LPAR6: variants seen among roughly 807,000 people sequenced by gnomAD.
LPAR6 encodes G-protein coupled purinergic receptor P2Y5.
LPAR6 carries 17 observed loss-of-function variants against 22.0 expected under a neutral mutation model. The ratio of observed to expected loss-of-function variants is 0.77; its 90% confidence interval spans 0.53 to 1.16. LPAR6 has a LOEUF of 1.16. Among genes scored for constraint, LPAR6 ranks in the 50% most tolerant of loss-of-function variants. The pLI, the probability that LPAR6 is intolerant of heterozygous loss-of-function variation, is 0.00. For missense variants in LPAR6, 384 were observed against 406.9 expected (o/e 0.94, Z 0.48); for synonymous variants, 136 against 139.8 (o/e 0.97, Z 0.19).
intron 1 of LPAR6, chr13:48,391,535 T>C (rs1313226028): frequency 6.6e-6 from 1 of 152,086 alleles, no homozygotes; most frequent in African/African-American, 2.4e-5. Flanking sequence ...CGGGAGGATC[T>C]CTTGAAGCCA....
chr13:48,396,034 G>A (rs1214599523), intron 1 of LPAR6, among the ~76,000 whole-genome samples: 1 of 152,186 alleles, frequency 6.6e-6, no homozygotes, highest in Non-Finnish European at 1.5e-5. Flanking sequence ...CATGCTCATG[G>A]ATGGGAAAAA....
chr13:48,393,679 T>C (rs1291833635), intron 1 of LPAR6, among the ~76,000 whole-genome samples: 1 of 152,208 alleles, frequency 6.6e-6, no homozygotes, highest in Non-Finnish European at 1.5e-5. Context: ...TTGTGTTAAA[T>C]GCATCAGGTC....
chr13:48,399,191 C>G (rs774864621), intron 1 of LPAR6, among the ~76,000 whole-genome samples: 3 of 151,890 alleles, frequency 2.0e-5, no homozygotes, highest in Non-Finnish European at 4.4e-5. Flanking sequence ...AGATTGTTTT[C>G]GTAGACTGAA....
chr13:48,410,169 TAC>T (rs1948780607), downstream of LPAR6, among the ~76,000 whole-genome samples: 1 of 152,230 alleles, frequency 6.6e-6, no homozygotes, highest in African/African-American at 2.4e-5. Flanking sequence ...AGAAAATATT[TAC>T]AGTCATGCAT....
upstream of LPAR6, among the ~76,000 whole-genome samples, chr13:48,414,411 G>A (rs1161905989): frequency 6.6e-6 from 1 of 151,688 alleles, no homozygotes; most frequent in Non-Finnish European, 1.5e-5. Flanking sequence ...GTGTGTGTAA[G>A]GTGAGGGTAC....
At chr13:48,404,542 T>A (rs968544480) in intron 1 of LPAR6, among the ~76,000 whole-genome samples, 3 of 152,128 alleles carry the variant, frequency 2.0e-5, no homozygotes, top group Non-Finnish European at 1.5e-5. Context: ...TTTTGTTTTT[T>A]TTTAATGACA....
At chr13:48,426,341 G>T (rs1386889418) in intron 1 of LPAR6, among the ~76,000 whole-genome samples, 1 of 152,222 alleles carries the variant, frequency 6.6e-6, no homozygotes, top group Non-Finnish European at 1.5e-5. Flanking sequence ...CAGATAGGAT[G>T]CCTGTGCTCT....
At chr13:48,441,758 A>T (rs1288830007) in intron 1 of LPAR6, among the ~76,000 whole-genome samples, 5 of 149,790 alleles carry the variant, frequency 3.3e-5, no homozygotes, top group African/African-American at 1.3e-4. Flanking sequence ...AATTATATAT[A>T]TGGGTAAAGG....
chr13:48,392,345 A>G (rs1186287093), intron 1 of LPAR6, among the ~76,000 whole-genome samples: 1 of 152,082 alleles, frequency 6.6e-6, no homozygotes, highest in African/African-American at 2.4e-5. Flanking sequence ...TCCTGATCTC[A>G]GGTGACCCAC....
Position 48,411,887 on chromosome 13 carries a change from T to C in LPAR6, c.537A>G (p.Thr179=). ...TGAAAATTACAATCCTTGAGAGATA[T>C]GTTTTCCATGTGGCTTCTGGAAAAT... The part of the protein sequence containing the change: ...FENFPEATWK[T]YLSRIVIFIE... Residue 179 remains threonine, a synonymous_variant, in exon 1 of 1, where the codon ACA becomes ACG. Transcript: ENST00000620633. 1 of 1,613,810 alleles carries C rather than the reference T, an allele frequency of 6.2e-7. No individual in the cohort carries two copies. Among genetic ancestry groups the C allele is most frequent in the Non-Finnish European group, 8.5e-7 (1 of 1,179,862 alleles).
intron 1 of LPAR6, among the ~76,000 whole-genome samples, chr13:48,396,969 G>A (rs1948653692): frequency 6.6e-6 from 1 of 152,192 alleles, no homozygotes; most frequent in South Asian, 2.1e-4. Context: ...CAGTTAGAAT[G>A]GTGATCATTA....
intron 1 of LPAR6, among the ~76,000 whole-genome samples, chr13:48,426,117 C>G (rs1285481837): frequency 2.0e-5 from 3 of 152,186 alleles, no homozygotes; most frequent in Non-Finnish European, 2.9e-5. Flanking sequence ...TTACCTTGGG[C>G]AAACTCTGCC....
At chr13:48,425,531 A>G (rs945777764) in intron 1 of LPAR6, among the ~76,000 whole-genome samples, 1 of 152,208 alleles carries the variant, frequency 6.6e-6, no homozygotes, top group African/African-American at 2.4e-5. Flanking sequence ...GAAAGGACCA[A>G]TTTCACTAGG....
At chr13:48,409,776 T>C (rs12584784), downstream of LPAR6, among the ~76,000 whole-genome samples, 4,505 of 151,902 alleles carry the variant, frequency 0.03, 191 homozygotes, top group East Asian at 0.13. Context: ...AGACGGGGTT[T>C]CACCATGTTG....
chr13:48,399,321 A>G (rs927385490), intron 1 of LPAR6, among the ~76,000 whole-genome samples: 3 of 152,052 alleles, frequency 2.0e-5, no homozygotes, highest in Admixed American at 6.6e-5. Flanking sequence ...AAGAAGGGAA[A>G]ATAAAAGAAG....
chr13:48,439,632 G>C (rs1442962249), intron 1 of LPAR6: 1 of 152,132 alleles, frequency 6.6e-6, no homozygotes. Flanking sequence ...TAGCCCAAAT[G>C]CTGGGAAAAA....
intron 1 of LPAR6, chr13:48,423,909 C>T (rs970308527): frequency 6.6e-6 from 1 of 152,392 alleles, no homozygotes; most frequent in South Asian, 2.1e-4. Context: ...GGCAACATAA[C>T]GAGACACTGT....
rs2233573 is a variant in LPAR6 at position 48,411,839 on chromosome 13, A to G, written c.585T>C (p.Ile195=). Residue 195 remains isoleucine, a synonymous_variant, in exon 1 of 1, where the codon ATT becomes ATC. Transcript: ENST00000620633. ...VIFIEIVGFF[I]PLILNVTCSS... ...AACAAGTTACATTTAAAATTAGAGGAATAAAAAATCCCACTATTTCGATGA... is the reference window on the plus strand; with the variant it reads ...AACAAGTTACATTTAAAATTAGAGGGATAAAAAATCCCACTATTTCGATGA... 8.1e-3 allele frequency: 13,087 copies of G among 1,612,776 alleles called. 74 individuals are homozygous for G. Among genetic ancestry groups the G allele is most frequent in the Middle Eastern group, 0.013 (79 of 6,062 alleles).
In LPAR6 at chr13:48,411,715, T is replaced by C; in HGVS notation, c.709A>G (p.Ile237Val). The change falls in exon 1 of 1, where the codon ATA becomes GTA. Residue 237 changes from isoleucine (I) to valine (V), a missense_variant. Transcript: ENST00000620633. Reference sequence around the variant, plus strand: ...TAAGGAACAAAACAGAAACAGAATATGATCAAATGTACAAAAATCATTTTT... The same window carrying C: ...TAAGGAACAAAACAGAAACAGAATACGATCAAATGTACAAAAATCATTTTT... ...VLKMIFVHLI[I>V]FCFCFVPYNI... The C allele has an allele frequency of 6.2e-7, 1 of 1,605,072 alleles. No individual in the cohort carries two copies. The highest frequency in any genetic ancestry group is 8.5e-7 in the Non-Finnish European group (1 of 1,172,114).
Sources: gnomAD v4.1 joint callset for allele counts (sites outside exome capture counted in the v4.1 genomes callset) on GRCh38, gnomAD v4.1.1 for gene constraint, MANE v1.5 for transcripts, NCBI Gene and HGNC (gene_info 2026-07-23, HGNC 2026-07-21) for gene names.